The following SCFD2 variants were observed in gnomAD, a reference collection of about 807,000 sequenced individuals.
SCFD2 encodes the protein sec1 family domain-containing protein 2.
A neutral mutation model predicts 58.9 loss-of-function variants in SCFD2; 54 were observed. The ratio of observed to expected loss-of-function variants is 0.92; its 90% CI spans 0.74 to 1.15. The LOEUF (loss-of-function observed/expected upper bound fraction) is 1.15. Among genes scored for constraint, SCFD2 ranks in the 50% most tolerant of loss-of-function variants. SCFD2 has a pLI of 0.00. For missense variants in SCFD2, 805 were observed against 836.6 expected (o/e 0.96, Z 0.47); for synonymous variants, 321 against 335.9 (o/e 0.96, Z 0.49).
intron 4 of SCFD2, among the ~76,000 whole-genome samples, chr4:53,251,375 T>C (rs1316281459): frequency 1.3e-4 from 20 of 152,278 alleles, no homozygotes; most frequent in African/African-American, 4.1e-4. Flanking sequence ...CCTCCCTAAC[T>C]CATTTTATGA....
chr4:53,342,701 G>A (rs1733919839), intron 2 of SCFD2, among the ~76,000 whole-genome samples: 1 of 152,144 alleles, frequency 6.6e-6, no homozygotes. Flanking sequence ...TGACCACAAA[G>A]TTGGAAGTAA....
At chr4:52,884,297 G>C (rs1334446314) in intron 8 of SCFD2, among the ~76,000 whole-genome samples, 2 of 152,178 alleles carry the variant, frequency 1.3e-5, no homozygotes, top group Non-Finnish European at 2.9e-5. Flanking sequence ...GCAGCTCCTG[G>C]AGCTGGCTGT....
chr4:52,985,505 T>C (rs904104904), intron 5 of SCFD2, among the ~76,000 whole-genome samples: 4 of 152,068 alleles, frequency 2.6e-5, no homozygotes, highest in Non-Finnish European at 1.5e-5. Context: ...TTGGGGATTT[T>C]GGTGTTGATA....
chr4:52,874,070 A>G lies in SCFD2; in HGVS notation c.1963-9T>C. ...GTGGACAGCACGATTACCTAACAAC[A>G]GGAGAGGGCAAACACACCGCAGGGA... On this transcript the variant is annotated splice_polypyrimidine_tract_variant and intron_variant, in intron 8 of 8. Coordinates refer to ENST00000401642, the MANE Select transcript of SCFD2 (RefSeq NM_152540.4). 2 of 1,597,604 alleles carry G rather than the reference A, an allele frequency of 1.3e-6. No homozygotes were observed. Among genetic ancestry groups the G allele is most frequent in the Non-Finnish European group, 1.7e-6 (2 of 1,165,006 alleles).
chr4:53,294,044 T>C (rs558382363), intron 3 of SCFD2, among the ~76,000 whole-genome samples: 20 of 152,330 alleles, frequency 1.3e-4, no homozygotes, highest in African/African-American at 4.1e-4. Context: ...AGTGTATAAT[T>C]GATGGGCATT....
chr4:53,009,177 T>C (rs1722043422), intron 5 of SCFD2, among the ~76,000 whole-genome samples: 1 of 152,206 alleles, frequency 6.6e-6, no homozygotes. Flanking sequence ...CCAGTATTGA[T>C]TGGCTCTAGA....
At chr4:53,311,545 G>A (rs1732688919) in intron 3 of SCFD2, among the ~76,000 whole-genome samples, 1 of 151,946 alleles carries the variant, frequency 6.6e-6, no homozygotes, top group African/African-American at 2.4e-5. Context: ...ACTGATTTAT[G>A]CTCTGTGATA....
At chr4:53,337,292 G>A (rs887585588) in intron 2 of SCFD2, among the ~76,000 whole-genome samples, 18 of 152,118 alleles carry the variant, frequency 1.2e-4, no homozygotes, top group African/African-American at 4.3e-4. Flanking sequence ...AAAGACACCA[G>A]TCAGAATTGG....
chr4:53,032,232 C>G (rs1408631286), intron 5 of SCFD2, among the ~76,000 whole-genome samples: 2 of 152,084 alleles, frequency 1.3e-5, no homozygotes, highest in Non-Finnish European at 2.9e-5. Context: ...TACAGATAAG[C>G]AAAAGCTGAG....
rs147995274 is a variant in SCFD2, at chr4:53,231,014, T to G, written c.1311+42812A>C. On this transcript the variant is annotated intron_variant, in intron 4 of 8. Transcript: ENST00000401642. ...AAGTTATAAAATGTCAGTCTAACAGTATGGGTATAGTTGTGCCAGAGTGAG... is the reference window on the plus strand; with the variant it reads ...AAGTTATAAAATGTCAGTCTAACAGGATGGGTATAGTTGTGCCAGAGTGAG... Among the ~76,000 whole-genome samples, 26 of 152,180 alleles carry G rather than the reference T, an allele frequency of 1.7e-4. No individual in the cohort carries two copies. The East Asian group carries it at 5.0e-3, about 29-fold the overall frequency.
chr4:53,219,531 C>T (rs905504791), intron 4 of SCFD2, among the ~76,000 whole-genome samples: 3 of 152,060 alleles, frequency 2.0e-5, no homozygotes, highest in Non-Finnish European at 4.4e-5. Context: ...AGGTACCGTC[C>T]GTCACTGCTT....
At chr4:53,133,021 C>T (rs922825300) in intron 5 of SCFD2, among the ~76,000 whole-genome samples, 1 of 152,066 alleles carries the variant, frequency 6.6e-6, no homozygotes, top group Non-Finnish European at 1.5e-5. Flanking sequence ...TTATTAGCTC[C>T]TTGTCTTTTA....
intron 4 of SCFD2, among the ~76,000 whole-genome samples, chr4:53,203,476 T>A (rs996624734): frequency 1.3e-5 from 2 of 151,800 alleles, no homozygotes; most frequent in African/African-American, 4.8e-5. Flanking sequence ...GAAAAATAAA[T>A]ACACTCCCTC....
At chr4:53,273,687 G>T in intron 4 of SCFD2, 139 bp downstream of exon 4, 1 of 735,382 alleles carries the variant, frequency 1.4e-6, no homozygotes, top group Non-Finnish European at 2.0e-6. Context: ...ATTTTAACTA[G>T]GGGGCACTTA....
intron 4 of SCFD2, among the ~76,000 whole-genome samples, chr4:53,250,647 G>C (rs1220587704): frequency 1.3e-5 from 2 of 152,140 alleles, no homozygotes; most frequent in Non-Finnish European, 2.9e-5. Flanking sequence ...AATGAATACT[G>C]GGTAAATAAT....
In SCFD2 at chr4:53,322,205, C is replaced by T. The variant is rs1462387916; in HGVS notation, c.1008-8442G>A. On this transcript the variant is annotated intron_variant, in intron 2 of 8. Transcript: ENST00000401642. Reference sequence around the variant, plus strand: ...TAGCACAAGGTACAGATCATGAAGACCTTACTGCAAGCTGTTTTAGCTTGC... The same window carrying T: ...TAGCACAAGGTACAGATCATGAAGATCTTACTGCAAGCTGTTTTAGCTTGC... Among the ~76,000 whole-genome samples, 8 of 152,186 alleles carry T rather than the reference C, an allele frequency of 5.3e-5. No individual in the cohort carries two copies. In the East Asian group the frequency reaches 1.5e-3, roughly 29 times the overall value.
chr4:53,143,810 A>ACACC (rs1726237920), intron 5 of SCFD2, among the ~76,000 whole-genome samples: 1 of 151,586 alleles, frequency 6.6e-6, no homozygotes, highest in Admixed American at 6.6e-5. Context: ...ACACACACAC[A>ACACC]CACACACACA....
Position 52,906,603 on chromosome 4 carries a change from G to C in SCFD2, c.1842+854C>G, listed in dbSNP as rs79300669. Among the ~76,000 whole-genome samples the C allele has an allele frequency of 2.2e-3, 333 of 152,310 alleles. 3 individuals carry two copies. The East Asian group carries it at 0.058, about 27-fold the overall frequency. ...CAGCAGGAAGGAGACCTGCAGGTCC[G>C]CTCCAGCAGGCTTACTGCTTGGTTT... On this transcript the variant is annotated intron_variant, in intron 7 of 8. Coordinates refer to ENST00000401642, the MANE Select transcript of SCFD2 (RefSeq NM_152540.4).
At chr4:53,179,300 G>T (rs186781207) in intron 4 of SCFD2, among the ~76,000 whole-genome samples, 3,201 of 152,212 alleles carry the variant, frequency 0.021, 123 homozygotes, top group African/African-American at 0.073. Flanking sequence ...ACAGCTGATC[G>T]CTCGGCAGAA....
Sources: gnomAD v4.1 joint callset for allele counts (sites outside exome capture counted in the v4.1 genomes callset) on GRCh38, gnomAD v4.1.1 for gene constraint, MANE v1.5 for transcripts, NCBI Gene and HGNC (gene_info 2026-07-23, HGNC 2026-07-21) for gene names.